RAB6A: variants seen among roughly 807,000 people sequenced by gnomAD.
The protein encoded by RAB6A is RAB6A, member RAS oncogene family.
A neutral mutation model predicts 32.3 loss-of-function variants in RAB6A; 8 were observed. The observed-to-expected ratio is 0.25, with a 90% CI of 0.15 to 0.45. The LOEUF (loss-of-function observed/expected upper bound fraction) is 0.45. Among genes scored for constraint, RAB6A ranks in the 20% least tolerant of loss-of-function variants. The probability of loss-of-function intolerance (pLI) is 1.00; values close to 1 mark genes in which losing one functional copy is unlikely to be tolerated. For synonymous variants in RAB6A, 73 were observed against 82.1 expected, an observed-to-expected ratio of 0.89 and a Z score of 0.60; for missense variants, 104 against 249.4, an observed-to-expected ratio of 0.42 and a Z score of 3.93.
intron 1 of RAB6A, among the ~76,000 whole-genome samples, chr11:73,742,501 C>T (rs1230729513): frequency 6.6e-6 from 1 of 151,856 alleles, no homozygotes; most frequent in Non-Finnish European, 1.5e-5. Context: ...TAAAGACAGA[C>T]TACTGATTAC....
chr11:73,722,060 G>GT (rs1357587608), intron 2 of RAB6A, among the ~76,000 whole-genome samples: 4 of 150,578 alleles, frequency 2.7e-5, no homozygotes, highest in Non-Finnish European at 5.9e-5. Flanking sequence ...TGCCATGATT[G>GT]TAAGTTTCCT....
chr11:73,730,955 C>A, intron 1 of RAB6A, 132 bp from the exon 2 acceptor site: 2 of 625,022 alleles, frequency 3.2e-6, no homozygotes, highest in Admixed American at 3.5e-5. Context: ...ATAATTAAAA[C>A]CCATATAGCC....
chr11:73,692,502 CA>C (rs34201129), intron 6 of RAB6A, among the ~76,000 whole-genome samples: 9,057 of 56,238 alleles, frequency 0.16, 133 homozygotes, highest in South Asian at 0.32. Context: ...GACTCTGTCT[CA>C]AAAAAAAAAA....
chr11:73,718,895 GA>G, intron 3 of RAB6A, 177 bp from the exon 4 acceptor site: 1 of 1,492,882 alleles, frequency 6.7e-7, no homozygotes. Flanking sequence ...CCTGATCTGT[GA>G]GATGGGAAAA....
intron 5 of RAB6A, among the ~76,000 whole-genome samples, chr11:73,709,228 A>G (rs1161957528): frequency 1.3e-5 from 2 of 152,046 alleles, no homozygotes; most frequent in South Asian, 2.1e-4. Context: ...AATTATCCCA[A>G]TAATGTCCTT....
intron 1 of RAB6A, among the ~76,000 whole-genome samples, chr11:73,751,126 AG>A (rs1946663879): frequency 6.6e-6 from 1 of 152,122 alleles, no homozygotes; most frequent in Non-Finnish European, 1.5e-5. Context: ...CTTTTAAAAA[AG>A]AAAAGAGTCA....
At chr11:73,697,648 C>T (rs181222557) in intron 6 of RAB6A, among the ~76,000 whole-genome samples, 10 of 152,186 alleles carry the variant, frequency 6.6e-5, no homozygotes, top group Non-Finnish European at 1.2e-4. Flanking sequence ...TGCCTGGCCC[C>T]TACTTCATTT....
intron 6 of RAB6A, among the ~76,000 whole-genome samples, chr11:73,695,247 T>C (rs770942357): frequency 6.6e-6 from 1 of 152,022 alleles, no homozygotes; most frequent in African/African-American, 2.4e-5. Context: ...AAAAACCTAT[T>C]TCTTAAATGC....
At chr11:73,731,679 A>AT (rs1946303680) in intron 1 of RAB6A, among the ~76,000 whole-genome samples, 1 of 115,286 alleles carries the variant, frequency 8.7e-6, no homozygotes, top group Non-Finnish European at 1.7e-5. Context: ...ATAGATAGAT[A>AT]GATATTATAT....
intron 5 of RAB6A, among the ~76,000 whole-genome samples, chr11:73,709,266 T>C (rs1015482902): frequency 1.3e-4 from 20 of 151,980 alleles, no homozygotes; most frequent in Admixed American, 9.9e-4. Context: ...ATGTCCTTTA[T>C]AGCAAATTAA....
At chr11:73,696,035 T>C (rs1425283866) in intron 6 of RAB6A, among the ~76,000 whole-genome samples, 2 of 152,140 alleles carry the variant, frequency 1.3e-5, no homozygotes, top group Admixed American at 6.6e-5. Context: ...GTTAACTAAG[T>C]AGTTTATAGG....
At chr11:73,695,338 T>TA (rs555740505) in intron 6 of RAB6A, among the ~76,000 whole-genome samples, 10 of 150,130 alleles carry the variant, frequency 6.7e-5, no homozygotes, top group East Asian at 1.9e-4. Context: ...TTGTAATACT[T>TA]AAAAAAAAAT....
At chr11:73,704,190 T>C in intron 6 of RAB6A, 1 of 437,720 alleles carries the variant, frequency 2.3e-6, no homozygotes, top group Non-Finnish European at 4.6e-6. Context: ...AAGACTAGCC[T>C]GGGCAACATG....
At chr11:73,740,067 GAAAA>G (rs58800693) in intron 1 of RAB6A, among the ~76,000 whole-genome samples, 1 of 88,120 alleles carries the variant, frequency 1.1e-5, no homozygotes, top group South Asian at 3.9e-4. Flanking sequence ...TCAAAAAAAA[GAAAA>G]AAAAAAAAAA....
intron 2 of RAB6A, chr11:73,729,872 C>T (rs1025532477): frequency 6.5e-6 from 1 of 153,150 alleles, no homozygotes. Flanking sequence ...ACCCCAGAAC[C>T]CCTGAAATTA....
chr11:73,710,164 C>A (rs1371682919), intron 5 of RAB6A, among the ~76,000 whole-genome samples: 15 of 148,274 alleles, frequency 1.0e-4, no homozygotes, highest in Admixed American at 1.0e-3. Flanking sequence ...GACGGGGTTT[C>A]ACCGTGTTAG....
chr11:73,739,347 A>AT (rs1946459470), intron 1 of RAB6A, among the ~76,000 whole-genome samples: 1 of 137,530 alleles, frequency 7.3e-6, no homozygotes, highest in Non-Finnish European at 1.6e-5. Context: ...AAACTAAAAA[A>AT]TTTTTTAAGA....
intron 1 of RAB6A, among the ~76,000 whole-genome samples, chr11:73,750,135 G>A (rs1946652070): frequency 6.6e-6 from 1 of 152,162 alleles, no homozygotes; most frequent in Admixed American, 6.5e-5. Context: ...ACTTAGACAA[G>A]AGAGTTTGGA....
intron 6 of RAB6A, among the ~76,000 whole-genome samples, chr11:73,683,081 T>G (rs1286492203): frequency 6.6e-6 from 1 of 151,280 alleles, no homozygotes; most frequent in African/African-American, 2.4e-5. Flanking sequence ...AGCTGAAAAC[T>G]TGAAAATCAC....
Sources: gnomAD v4.1 joint callset for allele counts (sites outside exome capture counted in the v4.1 genomes callset) on GRCh38, gnomAD v4.1.1 for gene constraint, MANE v1.5 for transcripts, NCBI Gene and HGNC (gene_info 2026-07-23, HGNC 2026-07-21) for gene names.